The following RASGRP3 variants were observed in gnomAD, a reference collection of about 807,000 sequenced individuals.
RASGRP3 encodes ras guanyl-releasing protein 3.
Under a neutral mutation model 82.7 loss-of-function variants are expected in RASGRP3, and 54 were observed. The ratio of observed to expected loss-of-function variants is 0.65; its 90% confidence interval spans 0.52 to 0.82. RASGRP3 has a LOEUF of 0.82. Ranked by LOEUF, RASGRP3 falls within the 40% of genes least tolerant of loss-of-function variation. The probability of loss-of-function intolerance (pLI) is 0.00; values close to 1 mark genes in which losing one functional copy is unlikely to be tolerated. For synonymous variants in RASGRP3, 309 were observed against 300.5 expected (o/e 1.03, Z -0.29); for missense variants, 861 against 828.9 (o/e 1.04, Z -0.48).
intron 1 of RASGRP3, among the ~76,000 whole-genome samples, chr2:33,437,283 G>C (rs1050623310): frequency 6.6e-6 from 1 of 152,186 alleles, no homozygotes; most frequent in Non-Finnish European, 1.5e-5. Flanking sequence ...TGGTAAGGTT[G>C]AAAGGAAATG....
chr2:33,539,186 C>A lies in RASGRP3; in HGVS notation c.1254C>A (p.Asn418Lys), dbSNP rs1185776254. ...CAAAGCCAGACCCCACGGTCATCAACAAGCACATAAGGAAATTAGTGGAGG... is the reference window on the plus strand; with the variant it reads ...CAAAGCCAGACCCCACGGTCATCAAAAAGCACATAAGGAAATTAGTGGAGG... ...VMPKPDPTVI[N>K]KHIRKLVESV... Residue 418 changes from asparagine (N) to lysine (K), a missense_variant, in exon 12 of 18, where the codon AAC becomes AAA. Coordinates refer to ENST00000403687, the MANE Select transcript of RASGRP3 (RefSeq NM_001139488.2). 1.9e-6 allele frequency: 3 copies of A among 1,608,724 alleles called. No homozygotes were observed. The highest frequency in any genetic ancestry group is 2.5e-6 in the Non-Finnish European group (3 of 1,177,702).
intron 2 of RASGRP3, among the ~76,000 whole-genome samples, chr2:33,448,754 AC>A (rs36056441): frequency 0.084 from 12,752 of 152,252 alleles, 680 homozygotes; most frequent in Admixed American, 0.16. Context: ...TGATTGCACA[AC>A]ATTGTGAATG....
upstream of RASGRP3, among the ~76,000 whole-genome samples, chr2:33,472,074 A>G (rs1001448552): frequency 1.3e-5 from 2 of 152,110 alleles, no homozygotes; most frequent in African/African-American, 4.8e-5. Context: ...AAGTTTTGCA[A>G]ACTTTTCTTA....
At chr2:33,542,691 T>C (rs2151076376) in intron 12 of RASGRP3, among the ~76,000 whole-genome samples, 1 of 146,284 alleles carries the variant, frequency 6.8e-6, no homozygotes, top group East Asian at 1.9e-4. Flanking sequence ...ATTTTATTTA[T>C]TTGTTTATTG....
At chr2:33,450,180 C>G (rs1180502586) in intron 2 of RASGRP3, among the ~76,000 whole-genome samples, 1 of 152,098 alleles carries the variant, frequency 6.6e-6, no homozygotes, top group Non-Finnish European at 1.5e-5. Context: ...GTATACATTA[C>G]AAAAAGATCA....
chr2:33,445,659 T>C (rs116495507), intron 1 of RASGRP3, among the ~76,000 whole-genome samples: 2,915 of 151,916 alleles, frequency 0.019, 78 homozygotes, highest in African/African-American at 0.06. Flanking sequence ...TTTGAAATTA[T>C]TCAATGAAAT....
In RASGRP3 at chr2:33,563,238, G is replaced by A. The variant is rs751761441; in HGVS notation, c.*501G>A. The A allele has an allele frequency of 3.9e-5, 6 of 153,334 alleles. No individual in the cohort carries two copies. The highest frequency in any genetic ancestry group is 7.2e-5 in the Non-Finnish European group (5 of 69,584). 9.5% of individuals were successfully genotyped at this position (153,334 alleles called of 1,614,324 possible). A position where few individuals can be genotyped will look rare whatever the true frequency, so the allele number is the denominator to read the frequency against. On this transcript the variant is annotated 3_prime_UTR_variant, in exon 18 of 18. Transcript: ENST00000403687. ...TTTGTTTTGTTTTGTTCTTCTTGGTGTGCTTTTTGGATGGGACCAGAACTT... is the reference window on the plus strand; with the variant it reads ...TTTGTTTTGTTTTGTTCTTCTTGGTATGCTTTTTGGATGGGACCAGAACTT...
intron 14 of RASGRP3, among the ~76,000 whole-genome samples, chr2:33,551,008 A>G (rs942098329): frequency 2.0e-5 from 3 of 152,162 alleles, no homozygotes; most frequent in Admixed American, 2.0e-4. Context: ...TGACCAGACC[A>G]TTTTATCATA....
chr2:33,487,034 C>A (rs1298795456), intron 1 of RASGRP3, among the ~76,000 whole-genome samples: 3 of 152,140 alleles, frequency 2.0e-5, no homozygotes, highest in Non-Finnish European at 4.4e-5. Context: ...ATTTTCAATT[C>A]ATGGTCATTC....
At position 33,558,340 on chromosome 2, in the gene RASGRP3, A is replaced by C. The variant is rs745368757; in HGVS notation, c.1705+4A>C. On this transcript the variant is annotated splice_donor_region_variant and intron_variant, in intron 16 of 17. Transcript: ENST00000403687. The stretch of plus-strand genomic sequence containing the variant: ...GGAAGCCCCTCGCTGCCCCCAGGTA[A>C]TGCCCTCTGCTTTCTTTGCTGCCAT... The C allele has an allele frequency of 6.2e-7, 1 of 1,612,974 alleles. No individual in the cohort carries two copies. Among genetic ancestry groups the C allele is most frequent in the South Asian group, 1.1e-5 (1 of 90,992 alleles).
At chr2:33,517,974 G>C (rs943862504) in intron 4 of RASGRP3, among the ~76,000 whole-genome samples, 1 of 152,044 alleles carries the variant, frequency 6.6e-6, no homozygotes, top group Non-Finnish European at 1.5e-5. Context: ...ATAAATATTT[G>C]TTAAAAAGAA....
chr2:33,493,371 G>A (rs1181897007), intron 1 of RASGRP3, among the ~76,000 whole-genome samples: 2 of 152,188 alleles, frequency 1.3e-5, no homozygotes, highest in African/African-American at 4.8e-5. Context: ...CAACACCTGG[G>A]AGAGCAGGGG....
chr2:33,456,686 A>G (rs991672432), intron 2 of RASGRP3, among the ~76,000 whole-genome samples: 3 of 152,216 alleles, frequency 2.0e-5, no homozygotes, highest in East Asian at 1.9e-4. Flanking sequence ...TGACATATTT[A>G]TATACCCATG....
intron 1 of RASGRP3, among the ~76,000 whole-genome samples, chr2:33,439,454 G>A (rs1341252591): frequency 2.0e-5 from 3 of 152,148 alleles, no homozygotes; most frequent in Non-Finnish European, 4.4e-5. Context: ...TGGCCTTCCT[G>A]CGCCCAAGGA....
chr2:33,460,859 G>A (rs1666323253), intron 2 of RASGRP3, among the ~76,000 whole-genome samples: 1 of 152,090 alleles, frequency 6.6e-6, no homozygotes, highest in Admixed American at 6.5e-5. Context: ...CAGGAGTCCT[G>A]CTCATCTTAT....
intron 12 of RASGRP3, among the ~76,000 whole-genome samples, chr2:33,543,132 C>A (rs1385813324): frequency 1.3e-5 from 2 of 152,172 alleles, no homozygotes; most frequent in Non-Finnish European, 2.9e-5. Context: ...CCTGCCTCAG[C>A]CTCACAAGTG....
chr2:33,523,844 T>G, intron 7 of RASGRP3, 35 bp from the exon 8 acceptor site: 1 of 1,557,422 alleles, frequency 6.4e-7, no homozygotes, highest in Non-Finnish European at 8.7e-7. Context: ...AAAGGCTCTA[T>G]TATAATTCAG....
At position 33,527,172 on chromosome 2, in the gene RASGRP3, C is replaced by A. The variant is rs762615590; in HGVS notation, c.843C>A (p.Asn281Lys). 6.2e-7 allele frequency: 1 copy of A among 1,614,002 alleles called. No homozygotes were observed. Among genetic ancestry groups the A allele is most frequent in the Admixed American group, 1.7e-5 (1 of 60,032 alleles). Residue 281 changes from asparagine (N) to lysine (K), a missense_variant, in exon 10 of 18, where the codon AAC becomes AAA. Physicochemically the swap from Asn to Lys is moderately conservative, Grantham distance 94. Transcript: ENST00000403687. ...WNEMTELVSS[N>K]GNYCNYRKAF... ...AAATGACAGAGTTGGTCTCCTCCAA[C>A]GGCAATTACTGCAATTACCGCAAGG...
chr2:33,481,134 T>G (rs1667854904), intron 1 of RASGRP3: 1 of 152,314 alleles, frequency 6.6e-6, no homozygotes, highest in South Asian at 2.1e-4. Context: ...GTGCCAGGCT[T>G]TTTCTGTTGG....
Sources: allele counts gnomAD v4.1 joint callset (sites outside exome capture counted in the v4.1 genomes callset), GRCh38; gene constraint gnomAD v4.1.1; transcripts MANE v1.5; gene names NCBI Gene and HGNC (gene_info 2026-07-23, HGNC 2026-07-21).